Variants in MARK1 observed in about 807,000 individuals in gnomAD.
The protein encoded by MARK1 is serine/threonine-protein kinase MARK1.
A neutral mutation model predicts 96.3 loss-of-function variants in MARK1; 40 were observed. The ratio of observed to expected loss-of-function variants is 0.42; its 90% CI spans 0.32 to 0.54. MARK1 has a LOEUF of 0.54. MARK1 is among the 20% of genes least tolerant of loss of function. MARK1 has a pLI of 0.16. For missense variants in MARK1, 719 were observed against 984.6 expected (o/e 0.73, Z 3.61); for synonymous variants, 317 against 341.2 (o/e 0.93, Z 0.78).
At chr1:220,653,453 A>G (rs1175983568) in intron 16 of MARK1, 101 bp downstream of exon 16, 1 of 1,244,802 alleles carries the variant, frequency 8.0e-7, no homozygotes, top group African/African-American at 1.5e-5. Flanking sequence ...AAATGGTTTC[A>G]TAACATTTCA....
At chr1:220,611,613 A>G (rs553506107) in intron 6 of MARK1, among the ~76,000 whole-genome samples, 3 of 152,356 alleles carry the variant, frequency 2.0e-5, no homozygotes, top group Admixed American at 1.3e-4. Context: ...CTCAGTTGGA[A>G]ATATAGAAAT....
At chr1:220,645,128 C>T (rs1668508510) in intron 13 of MARK1, among the ~76,000 whole-genome samples, 1 of 151,908 alleles carries the variant, frequency 6.6e-6, no homozygotes, top group Non-Finnish European at 1.5e-5. Flanking sequence ...AATCAATAAT[C>T]CAGAAGTTGG....
At chr1:220,656,211 A>G (rs1343423528) in intron 16 of MARK1, among the ~76,000 whole-genome samples, 2 of 152,212 alleles carry the variant, frequency 1.3e-5, no homozygotes, top group South Asian at 2.1e-4. Flanking sequence ...GCCTCCTACC[A>G]TGGCTACTTA....
intron 7 of MARK1, among the ~76,000 whole-genome samples, chr1:220,616,764 A>G (rs1160491130): frequency 1.3e-5 from 2 of 151,980 alleles, no homozygotes; most frequent in African/African-American, 2.4e-5. Context: ...AAATTTTTCT[A>G]TTTCTTGGTT....
intron 13 of MARK1, among the ~76,000 whole-genome samples, chr1:220,640,621 C>G (rs757047378): frequency 6.6e-6 from 1 of 152,116 alleles, no homozygotes; most frequent in Non-Finnish European, 1.5e-5. Context: ...ATAATGGATA[C>G]TTTATAAAGA....
chr1:220,607,584 A>G (rs546373299), intron 6 of MARK1, among the ~76,000 whole-genome samples: 1 of 150,210 alleles, frequency 6.7e-6, no homozygotes, highest in South Asian at 2.1e-4. Context: ...GTGAGAGGAC[A>G]TCCCTGTCGT....
At chr1:220,634,187 A>G (rs1001590383) in intron 11 of MARK1, among the ~76,000 whole-genome samples, 3 of 152,214 alleles carry the variant, frequency 2.0e-5, no homozygotes, top group African/African-American at 7.2e-5. Context: ...AACTGTTTCT[A>G]CTTAGATTTT....
At chr1:220,651,285 T>C (rs1382563327) in intron 14 of MARK1, among the ~76,000 whole-genome samples, 1 of 152,222 alleles carries the variant, frequency 6.6e-6, no homozygotes, top group Non-Finnish European at 1.5e-5. Context: ...TGGAGCCTAT[T>C]CTAATGAAAT....
chr1:220,618,656 A>G lies in MARK1; in HGVS notation c.810A>G (p.Leu270=), dbSNP rs1666886862. The G allele has an allele frequency of 6.2e-7, 1 of 1,613,758 alleles. No individual in the cohort carries two copies. The highest frequency in any genetic ancestry group is 1.3e-5 in the African/African-American group (1 of 74,932). The part of the protein sequence containing the change: ...QNLKELRERV[L]RGKYRIPFYM... ...TTAAGGAACTGCGAGAGCGAGTTTT[A>G]CGAGGGAAGTACCGTATTCCCTTCT... Residue 270 remains leucine, a synonymous_variant, in exon 9 of 18, where the codon TTA becomes TTG. Coordinates refer to ENST00000366917, the MANE Select transcript of MARK1 (RefSeq NM_018650.5). This position sits in a 1 kb window ranked among gnomAD's most constrained non-coding sequence, Gnocchi z 4.6.
chr1:220,661,658 T>C (rs1430705984), intron 17 of MARK1, among the ~76,000 whole-genome samples, 154 bp from the exon 18 acceptor site: 1 of 152,194 alleles, frequency 6.6e-6, no homozygotes, highest in African/African-American at 2.4e-5. Flanking sequence ...AACAGCAAGA[T>C]AACATAAATC....
chr1:220,639,707 C>T (rs886915403), intron 13 of MARK1, among the ~76,000 whole-genome samples: 1 of 152,160 alleles, frequency 6.6e-6, no homozygotes, highest in African/African-American at 2.4e-5. Flanking sequence ...TGGCACTCAC[C>T]TCACCTAAAA....
intron 1 of MARK1, among the ~76,000 whole-genome samples, chr1:220,571,035 C>T (rs926775254): frequency 2.6e-5 from 4 of 152,100 alleles, no homozygotes; most frequent in African/African-American, 9.7e-5. Context: ...AATTTATTGA[C>T]ATCTCATTGA....
chr1:220,623,082 C>T (rs1436532734), intron 9 of MARK1, among the ~76,000 whole-genome samples: 1 of 152,096 alleles, frequency 6.6e-6, no homozygotes, highest in Non-Finnish European at 1.5e-5. Flanking sequence ...TCTAGTTTCT[C>T]ATGAGATACC....
intron 11 of MARK1, 99 bp from the exon 12 acceptor site, chr1:220,635,277 A>G: frequency 2.6e-6 from 3 of 1,170,232 alleles, no homozygotes; most frequent in Non-Finnish European, 3.5e-6. Context: ...TACTTCTTGT[A>G]TAGCTTTAAG....
intron 1 of MARK1, among the ~76,000 whole-genome samples, chr1:220,529,322 C>G (rs982806819): frequency 2.0e-5 from 3 of 152,332 alleles, no homozygotes; most frequent in East Asian, 3.9e-4. Context: ...CCTCCTCCCC[C>G]CGCATTGCCC....
At position 220,641,605 on chromosome 1, in the gene MARK1, A is replaced by G. The variant is rs986285361; in HGVS notation, c.1470+5579A>G. On this transcript the variant is annotated intron_variant, in intron 13 of 17. Transcript: ENST00000366917. Reference sequence around the variant, plus strand: ...GTATTAATCAATTTTTTTACAAAATAAAGGGAAGAAGGAAGGGCCAAAGAT... The same window carrying G: ...GTATTAATCAATTTTTTTACAAAATGAAGGGAAGAAGGAAGGGCCAAAGAT... Among the ~76,000 whole-genome samples, 21 of 152,102 alleles carry G rather than the reference A, an allele frequency of 1.4e-4. No homozygotes were observed. The Middle Eastern group carries it at 0.01, about 74-fold the overall frequency.
chr1:220,581,123 T>G lies in MARK1; in HGVS notation c.309+5T>G, dbSNP rs1664214501. The G allele has an allele frequency of 9.6e-7, 1 of 1,036,888 alleles. No individual in the cohort carries two copies. The highest frequency in any genetic ancestry group is 1.6e-5 in the African/African-American group (1 of 61,402). The allele number at this position is 1,036,888 out of a possible 1,614,324, so 64.2% of individuals were successfully genotyped here. A position where few individuals can be genotyped will look rare whatever the true frequency, so the allele number is the denominator to read the frequency against. ...AATCCTACCAGTCTACAAAAGGTAT[T>G]TAATTAATTTAATAAGTAATTAAAA... On this transcript the variant is annotated splice_donor_5th_base_variant and intron_variant, in intron 3 of 17. Transcript: ENST00000366917.
At chr1:220,579,915 G>A (rs1664118989) in intron 2 of MARK1, among the ~76,000 whole-genome samples, 1 of 152,102 alleles carries the variant, frequency 6.6e-6, no homozygotes, top group Non-Finnish European at 1.5e-5. Flanking sequence ...GTATAAATAT[G>A]TAGAAAGTCA....
chr1:220,572,764 TATTCATTTATATAGATTC>T lies in MARK1; in HGVS notation c.52-6586_52-6569del, dbSNP rs908040592. Among the ~76,000 whole-genome samples the T allele has an allele frequency of 9.2e-5, 14 of 152,342 alleles. 1 individual carries two copies. The highest frequency in any genetic ancestry group is 7.8e-4 in the Admixed American group (12 of 15,304). ...CATATTTTCTAGTTCCAGAGCTCTT[TATTCATTTATATAGATTC>T]ATTTTACCCTCTATTGTTACTTTCA... On this transcript the variant is annotated intron_variant, in intron 1 of 17. Coordinates refer to ENST00000366917, the MANE Select transcript of MARK1 (RefSeq NM_018650.5).
Sources: gnomAD v4.1 joint callset for allele counts (sites outside exome capture counted in the v4.1 genomes callset) on GRCh38, gnomAD v4.1.1 for gene constraint, Gnocchi (gnomAD v3.1) non-coding constraint, MANE v1.5 for transcripts, NCBI Gene and HGNC (gene_info 2026-07-23, HGNC 2026-07-21) for gene names.